Variants in RAB3GAP2 observed in about 807,000 individuals in gnomAD.
RAB3GAP2 encodes RAB3 GTPase activating non-catalytic protein subunit 2.
In RAB3GAP2, 87 loss-of-function variants were observed where a neutral mutation model predicts 185.3. The ratio of observed to expected loss-of-function variants is 0.47; its 90% CI spans 0.39 to 0.56. The LOEUF (loss-of-function observed/expected upper bound fraction) is 0.56. Ranked by LOEUF, RAB3GAP2 falls within the 20% of genes least tolerant of loss-of-function variation. The pLI, the probability that RAB3GAP2 is intolerant of heterozygous loss-of-function variation, is 0.00. For missense variants in RAB3GAP2, 1,492 were observed against 1,638.2 expected (o/e 0.91, Z 1.54); for synonymous variants, 554 against 576.1 (o/e 0.96, Z 0.55).
chr1:220,153,656 G>A, intron 32 of RAB3GAP2: 1 of 349,646 alleles, frequency 2.9e-6, no homozygotes, highest in Non-Finnish European at 5.1e-6. Flanking sequence ...CAACGTGTAG[G>A]TTTGTTACAT....
rs770072413 is a variant in RAB3GAP2 at position 220,190,564 on chromosome 1, G to C, written c.1488-44C>G. On this transcript the variant is annotated intron_variant, in intron 14 of 34. Coordinates refer to ENST00000358951, the MANE Select transcript of RAB3GAP2 (RefSeq NM_012414.4). ...AATATGGTAAAAATATTAGAACAAG[G>C]AGAAATGCCAAAAGGTGCTTTTATT... 5 of 1,545,186 alleles carry C rather than the reference G, an allele frequency of 3.2e-6. No individual in the cohort carries two copies. The African/African-American group carries it at 6.8e-5, about 21-fold the overall frequency.
At position 220,182,336 on chromosome 1, in the gene RAB3GAP2, T is replaced by C. The variant is rs1267740097; in HGVS notation, c.2231A>G (p.Lys744Arg). ...AGTGGAGCTTTCTCCATGCAAACAC[T>C]TCCAAAAAAAGAAACTACCTGGTAG... ...YVALGSFFFW[K>R]CLHGESSTED... Residue 744 changes from lysine (K) to arginine (R), a missense_variant, in exon 21 of 35, where the codon AAG becomes AGG. By Grantham distance (26) the Lys-to-Arg change is conservative. This residue lies in a region of RAB3GAP2 where 681 missense variants were observed against 689.1 expected (regional missense o/e 0.99). Transcript: ENST00000358951. 2.5e-6 allele frequency: 4 copies of C among 1,613,776 alleles called. No homozygotes were observed. The highest frequency in any genetic ancestry group is 3.4e-6 in the Non-Finnish European group (4 of 1,179,950).
At chr1:220,204,544 T>C (rs1318787263) in intron 8 of RAB3GAP2, among the ~76,000 whole-genome samples, 4 of 152,102 alleles carry the variant, frequency 2.6e-5, no homozygotes, top group Non-Finnish European at 4.4e-5. Flanking sequence ...CTCTACTCAA[T>C]CCCAAAAGAA....
intron 1 of RAB3GAP2, among the ~76,000 whole-genome samples, chr1:220,234,878 T>C (rs765942860): frequency 6.6e-6 from 1 of 152,248 alleles, no homozygotes; most frequent in Non-Finnish European, 1.5e-5. Context: ...ATGCAATGTA[T>C]ATGACGACTA....
chr1:220,175,431 C>A (rs543014256), intron 21 of RAB3GAP2, among the ~76,000 whole-genome samples: 128 of 152,210 alleles, frequency 8.4e-4, no homozygotes, highest in Non-Finnish European at 1.7e-3. Context: ...GTTGGCCAGG[C>A]TGGTCTCGAA....
rs370233821 is a variant in RAB3GAP2, at chr1:220,191,186, C to T, written c.1369G>A (p.Gly457Ser). The T allele has an allele frequency of 5.6e-6, 9 of 1,613,832 alleles. No individual in the cohort carries two copies. The highest frequency in any genetic ancestry group is 7.6e-6 in the Non-Finnish European group (9 of 1,179,970). ...AGGAATTGAGCTACTCGACTTGGAC[C>T]CTGAGAATTTCCAAAGGGGGAAAAA... ...ADFSPFGNSQGPSRVAQFLVI... is the reference protein window; with the variant it reads ...ADFSPFGNSQSPSRVAQFLVI... Residue 457 changes from glycine (G) to serine (S), a missense_variant, in exon 14 of 35, where the codon GGT becomes AGT. Gly to Ser is a moderately conservative substitution (Grantham distance 56, BLOSUM62 0). Coordinates refer to ENST00000358951, the MANE Select transcript of RAB3GAP2 (RefSeq NM_012414.4).
Position 220,195,392 on chromosome 1 carries a change from AT to A in RAB3GAP2, c.961-16del, listed in dbSNP as rs1225606607. ...TGTGTGCTTCCCTGAAAAACAGAACATTTGAAAGAGAAAACTTAGTAGCTTA... is the reference window on the plus strand; with the variant it reads ...TGTGTGCTTCCCTGAAAAACAGAACATTGAAAGAGAAAACTTAGTAGCTTA... On this transcript the variant is annotated splice_polypyrimidine_tract_variant and intron_variant, in intron 10 of 34. Coordinates refer to ENST00000358951, the MANE Select transcript of RAB3GAP2 (RefSeq NM_012414.4). The A allele has an allele frequency of 6.3e-7, 1 of 1,596,444 alleles. No homozygotes were observed. The highest frequency in any genetic ancestry group is 8.6e-7 in the Non-Finnish European group (1 of 1,164,668).
At chr1:220,193,563 GAAATAA>G (rs1182792390) in intron 12 of RAB3GAP2, among the ~76,000 whole-genome samples, 184 bp from the exon 13 acceptor site, 1 of 152,014 alleles carries the variant, frequency 6.6e-6, no homozygotes, top group East Asian at 1.9e-4. Context: ...ATACATAAAA[GAAATAA>G]AACCACAGTC....
At chr1:220,224,152 A>G (rs966445327) in intron 2 of RAB3GAP2, among the ~76,000 whole-genome samples, 1 of 152,160 alleles carries the variant, frequency 6.6e-6, no homozygotes, top group African/African-American at 2.4e-5. Flanking sequence ...TGGCAATACT[A>G]TGAGTTTGGT....
chr1:220,201,247 T>C (rs1180817540), intron 9 of RAB3GAP2, among the ~76,000 whole-genome samples: 1 of 152,124 alleles, frequency 6.6e-6, no homozygotes, highest in African/African-American at 2.4e-5. Flanking sequence ...GGTCTCGCTA[T>C]ATTGCCCAGG....
rs748018387 is a variant in RAB3GAP2, at chr1:220,191,226, C to A, written c.1329G>T (p.Val443=). 2 of 1,613,878 alleles carry A rather than the reference C, an allele frequency of 1.2e-6. No individual in the cohort carries two copies. The change falls in exon 14 of 35, where the codon GTG becomes GTT. Residue 443 remains valine, a synonymous_variant. Coordinates refer to ENST00000358951, the MANE Select transcript of RAB3GAP2 (RefSeq NM_012414.4). ...IQTVEDLHER[V]PEKADFSPFG... is the part of the protein sequence containing the mutation. ...AGGGGGAAAAATCTGCCTTTTCTGGCACTCTTTCATGGAGGTCCTCTACAG... is the reference window on the plus strand; with the variant it reads ...AGGGGGAAAAATCTGCCTTTTCTGGAACTCTTTCATGGAGGTCCTCTACAG...
intron 1 of RAB3GAP2, chr1:220,267,240 T>C: frequency 1.1e-6 from 1 of 915,168 alleles, no homozygotes; most frequent in South Asian, 1.3e-5. Context: ...CATCAAACTT[T>C]GAAAGTTTCT....
chr1:220,214,932 C>A (rs1196890200), intron 2 of RAB3GAP2, among the ~76,000 whole-genome samples: 1 of 99,404 alleles, frequency 1.0e-5, no homozygotes, highest in Non-Finnish European at 1.9e-5. Context: ...CTTTTTCTTA[C>A]AAGAATAGTA....
At position 220,148,798 on chromosome 1, in the gene RAB3GAP2, T is replaced by TATC. The variant is rs1240822092; in HGVS notation, c.*2450_*2452dup. 1.3e-5 allele frequency: 2 copies of TATC among 152,192 alleles called. No individual in the cohort carries two copies. The highest frequency in any genetic ancestry group is 2.9e-5 in the Non-Finnish European group (2 of 68,022). The allele number at this position is 152,192 out of a possible 1,614,324, so 9.4% of individuals were successfully genotyped here. A position where few individuals can be genotyped will look rare whatever the true frequency, so the allele number is the denominator to read the frequency against. ...AGAAGCATGGTGCTATATATCTCTTTATCTACATTTACCCTGGCCCCTCTA... is the reference window on the plus strand; with the variant it reads ...AGAAGCATGGTGCTATATATCTCTTTATCATCTACATTTACCCTGGCCCCTCTA... On this transcript the variant is annotated 3_prime_UTR_variant, in exon 35 of 35. Coordinates refer to ENST00000358951, the MANE Select transcript of RAB3GAP2 (RefSeq NM_012414.4).
chr1:220,250,621 G>A (rs1659914818), intron 1 of RAB3GAP2, among the ~76,000 whole-genome samples: 1 of 152,198 alleles, frequency 6.6e-6, no homozygotes, highest in African/African-American at 2.4e-5. Flanking sequence ...GTTTGGCCAT[G>A]TCCCCACCGA....
intron 1 of RAB3GAP2, among the ~76,000 whole-genome samples, chr1:220,243,042 G>A (rs1659723904): frequency 1.3e-5 from 2 of 151,966 alleles, no homozygotes; most frequent in South Asian, 4.2e-4. Context: ...TTCAACATCA[G>A]CCTTTATTTT....
intron 9 of RAB3GAP2, chr1:220,200,533 G>A (rs747179004): frequency 3.8e-6 from 2 of 524,982 alleles, no homozygotes; most frequent in African/African-American, 3.9e-5. Context: ...AACGTTTATT[G>A]TACCTTTTTT....
chr1:220,248,306 T>C (rs901592028), intron 1 of RAB3GAP2, among the ~76,000 whole-genome samples: 4 of 152,284 alleles, frequency 2.6e-5, no homozygotes, highest in Admixed American at 1.3e-4. Context: ...TAAATATGGC[T>C]GATAATACTG....
At chr1:220,222,288 A>AGTC (rs777014081) in intron 2 of RAB3GAP2, among the ~76,000 whole-genome samples, 52 of 152,300 alleles carry the variant, frequency 3.4e-4, no homozygotes, top group South Asian at 6.2e-4. Context: ...TAGATAGCAG[A>AGTC]ACTTTGTACT....
Sources: allele counts gnomAD v4.1 joint callset (sites outside exome capture counted in the v4.1 genomes callset), GRCh38; gene constraint gnomAD v4.1.1; regional missense constraint gnomAD v4.1.1; transcripts MANE v1.5; gene names NCBI Gene and HGNC (gene_info 2026-07-23, HGNC 2026-07-21).